IL21R: variants seen among roughly 807,000 people sequenced by gnomAD.
The protein encoded by IL21R is interleukin 21 receptor.
IL21R carries 14 observed loss-of-function variants against 41.3 expected under a neutral mutation model. The observed-to-expected ratio is 0.34, with a 90% CI of 0.22 to 0.53. The LOEUF (loss-of-function observed/expected upper bound fraction) is 0.53, where lower values mean the gene tolerates loss of function less well. Ranked by LOEUF, IL21R falls within the 20% of genes least tolerant of loss-of-function variation. The probability of loss-of-function intolerance (pLI) is 0.94; values close to 1 mark genes in which losing one functional copy is unlikely to be tolerated. For synonymous variants in IL21R, 286 were observed against 287.6 expected (o/e 0.99, Z 0.05); for missense variants, 588 against 681.6 (o/e 0.86, Z 1.53).
At chr16:27,422,897 G>T (rs2141275171) in intron 1 of IL21R, among the ~76,000 whole-genome samples, 2 of 152,272 alleles carry the variant, frequency 1.3e-5, no homozygotes, top group East Asian at 3.9e-4. Context: ...CAGACATATA[G>T]CATATAAGCA....
chr16:27,412,338 C>T (rs934759569), intron 1 of IL21R, among the ~76,000 whole-genome samples: 9 of 151,828 alleles, frequency 5.9e-5, no homozygotes, highest in Non-Finnish European at 1.2e-4. Context: ...ATTACTGTAG[C>T]TTTTTAATAC....
chr16:27,407,935 T>G (rs2086773136), intron 1 of IL21R, among the ~76,000 whole-genome samples: 1 of 152,228 alleles, frequency 6.6e-6, no homozygotes, highest in Non-Finnish European at 1.5e-5. Context: ...AGATTTAACT[T>G]TGGAGTGTAC....
At chr16:27,440,613 G>T (rs1472157172) in intron 4 of IL21R, among the ~76,000 whole-genome samples, 2 of 152,150 alleles carry the variant, frequency 1.3e-5, no homozygotes, top group African/African-American at 4.8e-5. Context: ...TGTGCCCCAG[G>T]CTGTGTTCTA....
intron 7 of IL21R, 90 bp downstream of exon 7, chr16:27,445,366 C>A: frequency 1.2e-6 from 1 of 810,436 alleles, no homozygotes; most frequent in Non-Finnish European, 2.1e-6. Flanking sequence ...ACATGACTGT[C>A]ATCATGGTAA....
intron 8 of IL21R, among the ~76,000 whole-genome samples, chr16:27,446,871 A>G (rs1170069969): frequency 1.3e-5 from 2 of 152,108 alleles, no homozygotes; most frequent in African/African-American, 2.4e-5. Context: ...CGTGTCACCC[A>G]CCCTGCAGCA....
Position 27,418,012 on chromosome 16 carries a change from T to TTTATTTTA in IL21R, c.-16-12041_-16-12034dup, listed in dbSNP as rs2086917787. Among the ~76,000 whole-genome samples the TTTATTTTA allele has an allele frequency of 2.3e-4, 2 of 8,850 alleles. 1 individual carries two copies. The allele number at this position is 8,850 out of a possible 152,430, so 5.8% of individuals were successfully genotyped here. A position where few individuals can be genotyped will look rare whatever the true frequency, so the allele number is the denominator to read the frequency against. On this transcript the variant is annotated intron_variant, in intron 1 of 8. Coordinates refer to ENST00000337929, the MANE Select transcript of IL21R (RefSeq NM_181078.3). ...TTACTGTAACATTTTTCCTATTTTA[T>TTTATTTTA]TTATTTTATTTTATTTTATTTTATT... is the stretch of plus-strand genomic sequence containing the variant.
At chr16:27,419,730 CA>C in intron 1 of IL21R, among the ~76,000 whole-genome samples, 1 of 151,466 alleles carries the variant, frequency 6.6e-6, no homozygotes, top group South Asian at 2.1e-4. Flanking sequence ...GCCCCTCCAA[CA>C]TTTTTTTTTA....
At position 27,426,282 on chromosome 16, in the gene IL21R, G is replaced by C. The variant is rs3093286; in HGVS notation, c.-16-3774G>C. Reference sequence around the variant, plus strand: ...GCATGGCGCACACTGCCTATTTCATGCCAGTTATCTGCTGATGGTCATGAT... The same window carrying C: ...GCATGGCGCACACTGCCTATTTCATCCCAGTTATCTGCTGATGGTCATGAT... On this transcript the variant is annotated intron_variant, in intron 1 of 8. Transcript: ENST00000337929. Among the ~76,000 whole-genome samples, 1,025 of 152,344 alleles carry C rather than the reference G, an allele frequency of 6.7e-3. 11 individuals are homozygous for C. Among genetic ancestry groups the C allele is most frequent in the African/African-American group, 0.023 (973 of 41,576 alleles).
At chr16:27,406,260 A>C (rs2086745162) in intron 1 of IL21R, among the ~76,000 whole-genome samples, 1 of 152,176 alleles carries the variant, frequency 6.6e-6, no homozygotes, top group Non-Finnish European at 1.5e-5. Flanking sequence ...ACTGCTCTAC[A>C]AGCGGCCCCT....
chr16:27,404,314 A>G (rs1233259777), intron 1 of IL21R, among the ~76,000 whole-genome samples: 1 of 152,150 alleles, frequency 6.6e-6, no homozygotes, highest in Admixed American at 6.5e-5. Flanking sequence ...AGAGCAAGGC[A>G]AAGACAGCTC....
intron 8 of IL21R, chr16:27,447,821 A>G (rs186800485): frequency 6.6e-6 from 1 of 152,430 alleles, no homozygotes; most frequent in Non-Finnish European, 1.5e-5. Context: ...AGAAGCATCA[A>G]GGAGGCGGGA....
intron 1 of IL21R, among the ~76,000 whole-genome samples, chr16:27,419,816 TTTA>T (rs57138211): frequency 0.012 from 1,736 of 148,044 alleles, 11 homozygotes; most frequent in African/African-American, 0.028. Context: ...AGTAACATAG[TTTA>T]TTATTATTAT....
rs1472883360 is a variant in IL21R, at chr16:27,410,514, T to C, written c.-17+7896T>C. Among the ~76,000 whole-genome samples, 6 of 152,208 alleles carry C rather than the reference T, an allele frequency of 3.9e-5. No individual in the cohort carries two copies. In the East Asian group the frequency reaches 1.2e-3, roughly 29 times the overall value. ...CTTTTTAAAGCTAAAGTTCCAGATG[T>C]TAAAAGAAATAGCTATCAAACCCAG... is the stretch of plus-strand genomic sequence containing the variant. On this transcript the variant is annotated intron_variant, in intron 1 of 8. Transcript: ENST00000337929.
intron 4 of IL21R, among the ~76,000 whole-genome samples, chr16:27,441,470 TGAG>T (rs938278373): frequency 6.6e-6 from 1 of 152,196 alleles, no homozygotes; most frequent in Non-Finnish European, 1.5e-5. Context: ...CGCTGAAAGA[TGAG>T]GACCATCAGA....
chr16:27,405,686 G>A (rs1218158463), intron 1 of IL21R, among the ~76,000 whole-genome samples: 2 of 152,218 alleles, frequency 1.3e-5, no homozygotes, highest in African/African-American at 4.8e-5. Context: ...GGGGCAATGG[G>A]AGGAACCCAC....
At chr16:27,409,512 G>T (rs184283982) in intron 1 of IL21R, among the ~76,000 whole-genome samples, 42 of 152,076 alleles carry the variant, frequency 2.8e-4, no homozygotes, top group Admixed American at 2.0e-3. Flanking sequence ...TTCACATTTA[G>T]GTCTACAGTC....
chr16:27,439,380 A>ACACACC (rs369002118), intron 4 of IL21R, among the ~76,000 whole-genome samples: 2 of 146,956 alleles, frequency 1.4e-5, no homozygotes, highest in African/African-American at 5.4e-5. Context: ...ACACACACAC[A>ACACACC]CACGTACACA....
chr16:27,427,701 C>G (rs191544590), intron 1 of IL21R, among the ~76,000 whole-genome samples: 1 of 152,104 alleles, frequency 6.6e-6, no homozygotes, highest in Non-Finnish European at 1.5e-5. Flanking sequence ...CAGGGAGTGA[C>G]GGGGACAGAG....
intron 1 of IL21R, among the ~76,000 whole-genome samples, chr16:27,419,521 G>A (rs1188196338): frequency 6.6e-6 from 1 of 151,804 alleles, no homozygotes; most frequent in Non-Finnish European, 1.5e-5. Context: ...TCCACCTCCT[G>A]GGTTCATGCG....
Sources: gnomAD v4.1 joint callset for allele counts (sites outside exome capture counted in the v4.1 genomes callset) on GRCh38, gnomAD v4.1.1 for gene constraint, MANE v1.5 for transcripts, NCBI Gene and HGNC (gene_info 2026-07-23, HGNC 2026-07-21) for gene names.